ZNF407: variants seen among roughly 807,000 people sequenced by gnomAD.
ZNF407 encodes zinc finger protein 407.
ZNF407 carries 17 observed loss-of-function variants against 131.2 expected under a neutral mutation model. The ratio of observed to expected loss-of-function variants is 0.13; its 90% CI spans 0.09 to 0.19. ZNF407 has a LOEUF of 0.19. ZNF407 is among the 10% of genes least tolerant of loss of function. ZNF407 has a pLI of 1.00. For missense variants in ZNF407, 2,681 were observed against 2,830.6 expected (o/e 0.95, Z 1.20); for synonymous variants, 1,156 against 1,062.0 (o/e 1.09, Z -1.72).
rs539460394 is a variant in ZNF407 at position 74,984,967 on chromosome 18, A to G, written c.5428+64275A>G. Among the ~76,000 whole-genome samples the G allele has an allele frequency of 4.6e-5, 7 of 152,332 alleles. No individual in the cohort carries two copies. The South Asian group carries it at 1.4e-3, about 32-fold the overall frequency. On this transcript the variant is annotated intron_variant, in intron 8 of 8. Coordinates refer to ENST00000299687, the MANE Select transcript of ZNF407 (RefSeq NM_017757.3). Reference sequence around the variant, plus strand: ...TCTTGAGTCCAAATTTGAAAAATATATTACAGTATTTTTAGAATTTTGTAG... The same window carrying G: ...TCTTGAGTCCAAATTTGAAAAATATGTTACAGTATTTTTAGAATTTTGTAG...
At chr18:74,848,603 A>G (rs534133942) in intron 4 of ZNF407, among the ~76,000 whole-genome samples, 2 of 152,338 alleles carry the variant, frequency 1.3e-5, no homozygotes, top group East Asian at 3.9e-4. Context: ...AAAATATTTT[A>G]TATTTTTATA....
chr18:74,892,847 C>T (rs1971403704), intron 7 of ZNF407, among the ~76,000 whole-genome samples: 1 of 152,028 alleles, frequency 6.6e-6, no homozygotes. Flanking sequence ...CAGGCTTTTA[C>T]CCTGAAAATG....
At chr18:74,701,814 C>G (rs1967503359) in intron 3 of ZNF407, among the ~76,000 whole-genome samples, 1 of 152,114 alleles carries the variant, frequency 6.6e-6, no homozygotes, top group Admixed American at 6.5e-5. Flanking sequence ...CCCCAACATG[C>G]AGTTTGTGCA....
intron 3 of ZNF407, among the ~76,000 whole-genome samples, chr18:74,718,598 G>A (rs1319022735): frequency 6.6e-6 from 1 of 152,108 alleles, no homozygotes; most frequent in Admixed American, 6.5e-5. Context: ...CTGTGCTCAA[G>A]TGATCTCCTT....
chr18:74,977,693 G>A (rs1452270118), intron 8 of ZNF407, among the ~76,000 whole-genome samples: 1 of 152,202 alleles, frequency 6.6e-6, no homozygotes, highest in East Asian at 1.9e-4. Flanking sequence ...CACCGAAAGT[G>A]TTCCTCACTG....
Position 75,063,760 on chromosome 18 carries a change from G to A in ZNF407, c.6039G>A (p.Arg2013=). 6.2e-7 allele frequency: 1 copy of A among 1,611,402 alleles called. No homozygotes were observed. Among genetic ancestry groups the A allele is most frequent in the Non-Finnish European group, 8.5e-7 (1 of 1,179,792 alleles). The change falls in exon 9 of 9, where the codon AGG becomes AGA. Residue 2013 remains arginine (R), a synonymous_variant. Coordinates refer to ENST00000299687, the MANE Select transcript of ZNF407 (RefSeq NM_017757.3). The surrounding 1 kb of genome is among the most constrained non-coding windows in gnomAD (Gnocchi z 6.6). ...EGRAGLEEQG[R]PGAKDVLIQL... is the part of the protein sequence containing the mutation. ...GGGCTGGGCTCGAGGAGCAAGGCAG[G>A]CCCGGCGCCAAAGACGTGCTGATCC... is the stretch of plus-strand genomic sequence containing the variant.
Position 74,812,190 on chromosome 18 carries a change from G to A in ZNF407, c.4877+30688G>A, listed in dbSNP as rs549568441. 6.5e-4 allele frequency among the ~76,000 whole-genome samples: 99 copies of A among 152,206 alleles called. No homozygotes were observed. In the Middle Eastern group the frequency reaches 0.014, roughly 21 times the overall value. On this transcript the variant is annotated intron_variant, in intron 4 of 8. Transcript: ENST00000299687. ...CAGAAAGCTCTGGATTTGTGTCTTC[G>A]CTTTTCCACTTAGGATTTGTGAGAT...
chr18:74,824,733 C>T lies in ZNF407; in HGVS notation c.4877+43231C>T, dbSNP rs549604688. On this transcript the variant is annotated intron_variant, in intron 4 of 8. Coordinates refer to ENST00000299687, the MANE Select transcript of ZNF407 (RefSeq NM_017757.3). Reference sequence around the variant, plus strand: ...GAGACAGTAGTCAATAGCCTACCAACCAAAAAAAGTCCAGGAACAGACGGA... The same window carrying T: ...GAGACAGTAGTCAATAGCCTACCAATCAAAAAAAGTCCAGGAACAGACGGA... Among the ~76,000 whole-genome samples, 64 of 152,164 alleles carry T rather than the reference C, an allele frequency of 4.2e-4. 3 individuals are homozygous for T. Among genetic ancestry groups the T allele is most frequent in the Admixed American group, 3.3e-3 (50 of 15,292 alleles).
At chr18:74,984,688 A>C (rs1388691213) in intron 8 of ZNF407, among the ~76,000 whole-genome samples, 2 of 152,220 alleles carry the variant, frequency 1.3e-5, no homozygotes, top group Non-Finnish European at 2.9e-5. Flanking sequence ...TGTTTCTGAG[A>C]TTTATTTAAT....
chr18:74,676,626 G>T (rs547345039), intron 3 of ZNF407, among the ~76,000 whole-genome samples: 1 of 151,852 alleles, frequency 6.6e-6, no homozygotes, highest in South Asian at 2.1e-4. Flanking sequence ...AGTAGAGACG[G>T]GGTTTCACCG....
chr18:74,634,707 T>C lies in ZNF407; in HGVS notation c.3688T>C (p.Cys1230Arg). 6.2e-7 allele frequency: 1 copy of C among 1,613,984 alleles called. No individual in the cohort carries two copies. Among genetic ancestry groups the C allele is most frequent in the South Asian group, 1.1e-5 (1 of 91,082 alleles). ...SNDAGELRVH[C>R]EGEGGNAGDG... is the part of the protein sequence containing the mutation. Reference sequence around the variant, plus strand: ...TGATGCAGGTGAGCTGCGTGTCCATTGTGAGGGTGAAGGAGGAAACGCAGG... The same window carrying C: ...TGATGCAGGTGAGCTGCGTGTCCATCGTGAGGGTGAAGGAGGAAACGCAGG... The change falls in exon 2 of 9, where the codon TGT becomes CGT. Residue 1230 changes from cysteine to arginine, a missense_variant. Cys to Arg is a radical substitution (Grantham distance 180). Coordinates refer to ENST00000299687, the MANE Select transcript of ZNF407 (RefSeq NM_017757.3).
chr18:74,960,804 T>G (rs1308322823), intron 8 of ZNF407, among the ~76,000 whole-genome samples: 287 of 72,712 alleles, frequency 3.9e-3, no homozygotes, highest in Admixed American at 7.5e-3. Flanking sequence ...AGTGAGTGCT[T>G]GGTGGAGGGA....
At chr18:74,990,757 C>T (rs1162630057) in intron 8 of ZNF407, among the ~76,000 whole-genome samples, 3 of 152,200 alleles carry the variant, frequency 2.0e-5, no homozygotes, top group Non-Finnish European at 2.9e-5. Flanking sequence ...TTCAGACGAC[C>T]TCTGATGTAT....
intron 8 of ZNF407, among the ~76,000 whole-genome samples, chr18:75,046,902 A>G (rs1973442084): frequency 1.3e-5 from 2 of 152,178 alleles, no homozygotes; most frequent in Admixed American, 1.3e-4. Flanking sequence ...ATACTAGTCG[A>G]ATTTAAGTCA....
At chr18:75,059,435 G>A (rs1274404936) in intron 8 of ZNF407, among the ~76,000 whole-genome samples, 1 of 152,102 alleles carries the variant, frequency 6.6e-6, no homozygotes, top group East Asian at 1.9e-4. Flanking sequence ...TGGGGGAGGG[G>A]AATGACCAGA....
At chr18:75,003,801 A>G (rs1383096235) in intron 8 of ZNF407, among the ~76,000 whole-genome samples, 2 of 152,212 alleles carry the variant, frequency 1.3e-5, no homozygotes, top group Non-Finnish European at 2.9e-5. Flanking sequence ...TTGTTAACAC[A>G]TGATATGGAG....
chr18:74,787,706 AT>A, intron 4 of ZNF407, among the ~76,000 whole-genome samples: 1 of 152,224 alleles, frequency 6.6e-6, no homozygotes, highest in Non-Finnish European at 1.5e-5. Flanking sequence ...TCATTTCTTA[AT>A]GTCCTTTCAG....
intron 3 of ZNF407, among the ~76,000 whole-genome samples, chr18:74,754,248 A>G (rs924979644): frequency 6.5e-4 from 99 of 151,788 alleles, no homozygotes; most frequent in African/African-American, 2.3e-3. Context: ...TTTCTTCTTC[A>G]TTAGTCTTGC....
intron 1 of ZNF407, among the ~76,000 whole-genome samples, chr18:74,616,604 T>TA (rs1244032386): frequency 1.3e-5 from 2 of 151,772 alleles, no homozygotes; most frequent in African/African-American, 2.4e-5. Context: ...TGAAATTTAT[T>TA]AAAAAAATGC....
Sources: allele counts gnomAD v4.1 joint callset (sites outside exome capture counted in the v4.1 genomes callset), GRCh38; gene constraint gnomAD v4.1.1; non-coding constraint Gnocchi (gnomAD v3.1); transcripts MANE v1.5; gene names NCBI Gene and HGNC (gene_info 2026-07-23, HGNC 2026-07-21).